Variants in GALNT14 observed in about 807,000 individuals in gnomAD.
GALNT14 encodes UDP-GalNAc:polypeptide N-acetylgalactosaminyltransferase 14.
In GALNT14, 60 loss-of-function variants were observed where a neutral mutation model predicts 77.5. The ratio of observed to expected loss-of-function variants is 0.77; its 90% confidence interval spans 0.63 to 0.96. The LOEUF (loss-of-function observed/expected upper bound fraction) is 0.96. Among genes scored for constraint, GALNT14 ranks in the 40% least tolerant of loss-of-function variants. The pLI is 0.00. For missense variants in GALNT14, 710 were observed against 731.0 expected (o/e 0.97, Z 0.33); for synonymous variants, 280 against 281.7 (o/e 0.99, Z 0.06).
At chr2:31,079,664 T>C (rs1455546565) in intron 1 of GALNT14, among the ~76,000 whole-genome samples, 1 of 152,182 alleles carries the variant, frequency 6.6e-6, no homozygotes, top group African/African-American at 2.4e-5. Flanking sequence ...GCTCTGGGTC[T>C]CCTCTTCAGC....
At chr2:31,114,666 A>G (rs1678010377) in intron 1 of GALNT14, 4 of 668,172 alleles carry the variant, frequency 6.0e-6, no homozygotes, top group Admixed American at 5.1e-5. Flanking sequence ...GCTTGTGAAT[A>G]ACAATAATCC....
At position 30,910,985 on chromosome 2, in the gene GALNT14, A is replaced by C; in HGVS notation, c.1575T>G (p.Asp525Glu). Residue 525 changes from aspartate to glutamate, a missense_variant, in exon 15 of 15, where the codon GAT (aspartate) becomes GAG (glutamate). Transcript: ENST00000349752. ...HLCLDTDMFG[D>E]GTENGKEIVV... ...CGATTTCCTTGCCGTTCTCGGTGCCATCACCGAACATATCTGTATCGAGGC... is the reference window on the plus strand; with the variant it reads ...CGATTTCCTTGCCGTTCTCGGTGCCCTCACCGAACATATCTGTATCGAGGC... The C allele has an allele frequency of 6.2e-7, 1 of 1,613,960 alleles. No homozygotes were observed.
intron 1 of GALNT14, chr2:31,126,657 C>G (rs149901234): frequency 2.0e-5 from 3 of 152,320 alleles, no homozygotes; most frequent in South Asian, 2.1e-4. Context: ...TCACATAATT[C>G]TATTCTCTGC....
intron 1 of GALNT14, among the ~76,000 whole-genome samples, chr2:31,097,786 A>C (rs1677075440): frequency 6.6e-6 from 1 of 152,116 alleles, no homozygotes; most frequent in South Asian, 2.1e-4. Flanking sequence ...GTAGAGCAAG[A>C]CTGTACTGAC....
chr2:31,065,170 A>C (rs145659256), intron 1 of GALNT14: 1 of 151,696 alleles, frequency 6.6e-6, no homozygotes, highest in Non-Finnish European at 1.5e-5. Context: ...TTGTCTACTC[A>C]TTGGTTTTAT....
intron 3 of GALNT14, among the ~76,000 whole-genome samples, 156 bp downstream of exon 3, chr2:30,966,048 G>A (rs1225421809): frequency 2.0e-5 from 3 of 152,216 alleles, no homozygotes; most frequent in Non-Finnish European, 4.4e-5. Flanking sequence ...AATGTGAGGA[G>A]TGACTGAGTG....
chr2:31,013,344 G>A (rs1218271966), intron 1 of GALNT14, among the ~76,000 whole-genome samples: 1 of 152,138 alleles, frequency 6.6e-6, no homozygotes, highest in African/African-American at 2.4e-5. Context: ...ATAAAAAATT[G>A]ATACAAAGGG....
intron 1 of GALNT14, among the ~76,000 whole-genome samples, chr2:31,040,465 G>T (rs1005007134): frequency 1.1e-4 from 16 of 152,162 alleles, no homozygotes; most frequent in African/African-American, 3.4e-4. Context: ...AGAAGGGCCT[G>T]GTTTCTGGAG....
intron 1 of GALNT14, among the ~76,000 whole-genome samples, chr2:31,110,854 T>A (rs1677797693): frequency 6.6e-6 from 1 of 152,294 alleles, no homozygotes; most frequent in South Asian, 2.1e-4. Flanking sequence ...GAAACCATTC[T>A]TAAAAGTCAG....
chr2:30,919,397 C>T (rs1664894375), intron 13 of GALNT14, among the ~76,000 whole-genome samples: 1 of 152,150 alleles, frequency 6.6e-6, no homozygotes, highest in Admixed American at 6.5e-5. Context: ...CATCGGGAGC[C>T]AGTGTCAGAA....
At chr2:30,933,780 C>T (rs1360753774) in intron 9 of GALNT14, among the ~76,000 whole-genome samples, 1 of 152,234 alleles carries the variant, frequency 6.6e-6, no homozygotes, top group South Asian at 2.1e-4. Flanking sequence ...CTAGCTGTAT[C>T]CTTGGGAAAC....
chr2:31,106,304 GTTATT>G (rs1268512081), intron 1 of GALNT14, among the ~76,000 whole-genome samples: 3 of 152,070 alleles, frequency 2.0e-5, no homozygotes, highest in African/African-American at 7.2e-5. Context: ...TTTTATGTCT[GTTATT>G]TTTTGTTTTC....
intron 3 of GALNT14, among the ~76,000 whole-genome samples, chr2:30,962,941 G>A (rs550706640): frequency 6.6e-6 from 1 of 152,268 alleles, no homozygotes; most frequent in African/African-American, 2.4e-5. Flanking sequence ...GAATCTTAAG[G>A]CATGGAAGTT....
downstream of GALNT14, among the ~76,000 whole-genome samples, chr2:30,909,774 A>G: frequency 6.6e-6 from 1 of 152,036 alleles, no homozygotes; most frequent in Non-Finnish European, 1.5e-5. Flanking sequence ...TGTTTATTGC[A>G]GCATGATTCA....
intron 1 of GALNT14, among the ~76,000 whole-genome samples, chr2:31,120,547 G>A (rs764166405): frequency 6.6e-6 from 1 of 152,004 alleles, no homozygotes; most frequent in Non-Finnish European, 1.5e-5. Context: ...AAACAAATTA[G>A]TATCCTACCA....
In GALNT14 at chr2:30,956,026, C is replaced by T. The variant is rs201513405; in HGVS notation, c.467-49G>A. Reference sequence around the variant, plus strand: ...AATTGAGCGCCCAGGGATGGACCTACGTGTTACAATTGTGTGCACTGCAGG... The same window carrying T: ...AATTGAGCGCCCAGGGATGGACCTATGTGTTACAATTGTGTGCACTGCAGG... On this transcript the variant is annotated intron_variant, in intron 4 of 14. Coordinates refer to ENST00000349752, the MANE Select transcript of GALNT14 (RefSeq NM_024572.4). 83 of 1,591,094 alleles carry T rather than the reference C, an allele frequency of 5.2e-5. No homozygotes were observed. In the African/African-American group the frequency reaches 9.2e-4, roughly 18 times the overall value.
intron 1 of GALNT14, among the ~76,000 whole-genome samples, chr2:31,013,958 T>C (rs17010547): frequency 0.072 from 11,034 of 152,276 alleles, 483 homozygotes; most frequent in East Asian, 0.13. Flanking sequence ...TAAGTTTCTG[T>C]CCCTGTAAGA....
At chr2:31,132,911 G>T (rs1400757437) in intron 1 of GALNT14, among the ~76,000 whole-genome samples, 1 of 152,054 alleles carries the variant, frequency 6.6e-6, no homozygotes, top group Non-Finnish European at 1.5e-5. Context: ...CCTAAGATTG[G>T]TGCTTGAGAT....
At chr2:31,024,101 G>A (rs566039388) in intron 1 of GALNT14, among the ~76,000 whole-genome samples, 9 of 152,066 alleles carry the variant, frequency 5.9e-5, no homozygotes, top group Admixed American at 2.6e-4. Context: ...CTTGAACAAG[G>A]CATCACCCTT....
Sources: gnomAD v4.1 joint callset for allele counts (sites outside exome capture counted in the v4.1 genomes callset) on GRCh38, gnomAD v4.1.1 for gene constraint, MANE v1.5 for transcripts, NCBI Gene and HGNC (gene_info 2026-07-23, HGNC 2026-07-21) for gene names.